Variants in COL11A1 observed in about 807,000 individuals in gnomAD.
COL11A1 encodes collagen alpha-1(XI) chain.
A neutral mutation model predicts 265.2 loss-of-function variants in COL11A1; 74 were observed. That is an observed-to-expected ratio of 0.28 (90% CI 0.23 to 0.34). COL11A1 has a LOEUF of 0.34. Among genes scored for constraint, COL11A1 ranks in the 10% least tolerant of loss-of-function variants. COL11A1 has a pLI of 1.00. For synonymous variants in COL11A1, 816 were observed against 727.6 expected (o/e 1.12, Z -1.96); for missense variants, 2,165 against 2,263.6 (o/e 0.96, Z 0.88).
chr1:102,974,105 T>C (rs1662234117), intron 36 of COL11A1, among the ~76,000 whole-genome samples: 1 of 152,174 alleles, frequency 6.6e-6, no homozygotes, highest in Non-Finnish European at 1.5e-5. Context: ...GGCCAGGGAC[T>C]ACATTTGAGA....
At chr1:102,975,036 T>A (rs1662335760) in intron 35 of COL11A1, among the ~76,000 whole-genome samples, 153 bp from the exon 36 acceptor site, 1 of 152,164 alleles carries the variant, frequency 6.6e-6, no homozygotes, top group Non-Finnish European at 1.5e-5. Context: ...CGATAGTAAG[T>A]GCTAATCTAA....
chr1:102,902,718 T>A lies in COL11A1; in HGVS notation c.4087-3724A>T, dbSNP rs186659286. 2.9e-3 allele frequency among the ~76,000 whole-genome samples: 439 copies of A among 151,772 alleles called. 2 individuals carry two copies. The highest frequency in any genetic ancestry group is 3.7e-3 in the Admixed American group (56 of 15,216). ...ATTTATTTTATTATTACAATGTACT[T>A]TCTATCTATACATTTATATTAGAAT... On this transcript the variant is annotated intron_variant, in intron 54 of 66. Transcript: ENST00000370096.
intron 4 of COL11A1, among the ~76,000 whole-genome samples, chr1:103,040,589 T>C (rs1231332612): frequency 6.6e-6 from 1 of 151,638 alleles, no homozygotes; most frequent in Admixed American, 6.6e-5. Context: ...TTTAAAATGT[T>C]ACCACAGTTT....
intron 46 of COL11A1, among the ~76,000 whole-genome samples, chr1:102,933,817 A>G (rs544788801): frequency 3.4e-4 from 52 of 152,222 alleles, no homozygotes; most frequent in African/African-American, 1.3e-3. Context: ...AGCCGGTCGG[A>G]AAAGTGCAGT....
chr1:103,090,208 C>A (rs1000313903), intron 1 of COL11A1, among the ~76,000 whole-genome samples: 1 of 151,828 alleles, frequency 6.6e-6, no homozygotes, highest in African/African-American at 2.4e-5. Flanking sequence ...GATATTTTCC[C>A]AACTTCTTGA....
intron 4 of COL11A1, among the ~76,000 whole-genome samples, chr1:103,055,764 C>G (rs375022324): frequency 2.0e-5 from 3 of 152,134 alleles, no homozygotes; most frequent in Admixed American, 1.3e-4. Flanking sequence ...ATGTGTGCCC[C>G]AAGACAATTC....
chr1:102,973,006 A>T (rs974005356), intron 36 of COL11A1, among the ~76,000 whole-genome samples: 1 of 152,006 alleles, frequency 6.6e-6, no homozygotes, highest in Non-Finnish European at 1.5e-5. Flanking sequence ...TATATATAAA[A>T]TTTTTTCCTG....
At chr1:102,887,635 C>T (rs1651166798) in intron 62 of COL11A1, among the ~76,000 whole-genome samples, 1 of 152,092 alleles carries the variant, frequency 6.6e-6, no homozygotes, top group African/African-American at 2.4e-5. Context: ...ATCATATTGT[C>T]ATGGGTTGAA....
chr1:102,921,245 A>G (rs1487544057), intron 48 of COL11A1, among the ~76,000 whole-genome samples: 1 of 152,186 alleles, frequency 6.6e-6, no homozygotes, highest in Non-Finnish European at 1.5e-5. Flanking sequence ...TAGTAATTTT[A>G]ATATACACAA....
chr1:103,082,713 T>C (rs1672507840), intron 2 of COL11A1, 92 bp downstream of exon 2: 1 of 1,100,488 alleles, frequency 9.1e-7, no homozygotes, highest in Non-Finnish European at 1.3e-6. Flanking sequence ...AAAATACTAA[T>C]TAGTAAAGAA....
chr1:102,989,000 T>C (rs1663853761), intron 29 of COL11A1, among the ~76,000 whole-genome samples: 1 of 152,152 alleles, frequency 6.6e-6, no homozygotes, highest in African/African-American at 2.4e-5. Flanking sequence ...AATAAAGCAT[T>C]TAATTTGCTT....
At chr1:102,894,300 G>A (rs1652121457) in intron 57 of COL11A1, among the ~76,000 whole-genome samples, 2 of 152,150 alleles carry the variant, frequency 1.3e-5, no homozygotes, top group Non-Finnish European at 2.9e-5. Flanking sequence ...TTGGGAGACA[G>A]AGGTGGATGG....
intron 4 of COL11A1, among the ~76,000 whole-genome samples, chr1:103,046,280 T>TTGTTCCCTGACTC (rs1669260751): frequency 8.5e-5 from 1 of 11,812 alleles, no homozygotes; most frequent in Non-Finnish European, 2.4e-4. Flanking sequence ...TCCAGCACCT[T>TTGTTCCCTGACTC]TTTAATGATT....
chr1:103,067,118 CA>C (rs1295503471), intron 4 of COL11A1, among the ~76,000 whole-genome samples: 1 of 151,542 alleles, frequency 6.6e-6, no homozygotes, highest in African/African-American at 2.4e-5. Context: ...AACAAGTAGA[CA>C]AAAAAATAAG....
chr1:103,092,356 A>AT (rs1193894375), intron 1 of COL11A1, among the ~76,000 whole-genome samples: 2 of 152,170 alleles, frequency 1.3e-5, no homozygotes, highest in African/African-American at 4.8e-5. Context: ...AAAGTTAAGT[A>AT]TGTCATGAAT....
rs543287797 is a variant in COL11A1 at position 102,956,807 on chromosome 1, G to A, written c.3168+5059C>T. ...GTTATCAAACATTATCTTCTGTACC[G>A]TCTCTATTTTGACTCCATTATTTCT... On this transcript the variant is annotated intron_variant, in intron 41 of 66. Transcript: ENST00000370096. 3.0e-4 allele frequency among the ~76,000 whole-genome samples: 46 copies of A among 151,206 alleles called. 1 individual carries two copies. Among genetic ancestry groups the A allele is most frequent in the African/African-American group, 9.2e-4 (38 of 41,306 alleles).
rs1199427382 is a variant in COL11A1 at position 103,026,373 on chromosome 1, G to A, written c.781-41C>T. Reference sequence around the variant, plus strand: ...AAAAATATCAGGCAATTGTGTTAGTGGCAAAATACTATTCACAAAGTGAGA... The same window carrying A: ...AAAAATATCAGGCAATTGTGTTAGTAGCAAAATACTATTCACAAAGTGAGA... On this transcript the variant is annotated intron_variant, in intron 5 of 66. Transcript: ENST00000370096. The A allele has an allele frequency of 3.2e-6, 4 of 1,244,208 alleles. No individual in the cohort carries two copies. The East Asian group carries it at 7.0e-5, about 22-fold the overall frequency. The allele number at this position is 1,244,208 out of a possible 1,614,324, so 77.1% of individuals were successfully genotyped here.
intron 59 of COL11A1, 103 bp downstream of exon 59, chr1:102,889,352 C>G: frequency 1.1e-6 from 1 of 874,982 alleles, no homozygotes; most frequent in South Asian, 1.4e-5. Context: ...TTAAGACACT[C>G]TAAATTCTTT....
intron 3 of COL11A1, among the ~76,000 whole-genome samples, chr1:103,077,550 A>T (rs1289017227): frequency 6.6e-6 from 1 of 152,018 alleles, no homozygotes; most frequent in East Asian, 1.9e-4. Flanking sequence ...GTCTCAGTAA[A>T]ACTGAGACTT....
Sources: gnomAD v4.1 joint callset for allele counts (sites outside exome capture counted in the v4.1 genomes callset) on GRCh38, gnomAD v4.1.1 for gene constraint, MANE v1.5 for transcripts, NCBI Gene and HGNC (gene_info 2026-07-23, HGNC 2026-07-21) for gene names.